The following GRIA1 variants were observed in gnomAD, a reference collection of about 807,000 sequenced individuals.
GRIA1 encodes glutamate receptor 1.
GRIA1 carries 31 observed loss-of-function variants against 99.2 expected under a neutral mutation model. That is an observed-to-expected ratio of 0.31 (90% CI 0.23 to 0.42). The LOEUF (loss-of-function observed/expected upper bound fraction) is 0.42. Ranked by LOEUF, GRIA1 falls within the 10% of genes least tolerant of loss-of-function variation. GRIA1 has a pLI of 1.00. For missense variants in GRIA1, 782 were observed against 1,157.5 expected (o/e 0.68, Z 4.71); for synonymous variants, 438 against 432.4 (o/e 1.01, Z -0.16).
Position 153,752,322 on chromosome 5 carries a change from A to G in GRIA1, c.1824-12112A>G, listed in dbSNP as rs144636233. Among the ~76,000 whole-genome samples, 1,019 of 152,190 alleles carry G rather than the reference A, an allele frequency of 6.7e-3. 16 individuals carry two copies. The highest frequency in any genetic ancestry group is 0.023 in the African/African-American group (971 of 41,522). Reference sequence around the variant, plus strand: ...CCACTCCTACTTCAAAATCTAGCACAATATCTCCTCTTCTGGTAAATTTTC... The same window carrying G: ...CCACTCCTACTTCAAAATCTAGCACGATATCTCCTCTTCTGGTAAATTTTC... On this transcript the variant is annotated intron_variant, in intron 11 of 15. Coordinates refer to ENST00000285900, the MANE Select transcript of GRIA1 (RefSeq NM_000827.4).
At chr5:153,615,922 G>A (rs979742380) in intron 2 of GRIA1, among the ~76,000 whole-genome samples, 2 of 152,162 alleles carry the variant, frequency 1.3e-5, no homozygotes, top group African/African-American at 4.8e-5. Flanking sequence ...GATGCCAAAT[G>A]TCTTCATCCC....
chr5:153,691,618 C>A (rs1241726215), intron 8 of GRIA1, among the ~76,000 whole-genome samples: 2 of 152,212 alleles, frequency 1.3e-5, no homozygotes, highest in African/African-American at 4.8e-5. Flanking sequence ...GCTTGCCATT[C>A]CATATGCTTT....
chr5:153,719,709 T>C (rs1759921751), intron 11 of GRIA1, among the ~76,000 whole-genome samples: 1 of 152,112 alleles, frequency 6.6e-6, no homozygotes, highest in African/African-American at 2.4e-5. Context: ...AGAAGGAACA[T>C]AGATTCCACC....
chr5:153,588,928 A>G (rs889648597), intron 2 of GRIA1, among the ~76,000 whole-genome samples: 1 of 152,218 alleles, frequency 6.6e-6, no homozygotes, highest in Non-Finnish European at 1.5e-5. Flanking sequence ...AACACCTAAT[A>G]CAATGCATGA....
chr5:153,600,659 C>CT (rs1296938370), intron 2 of GRIA1, among the ~76,000 whole-genome samples: 1 of 152,114 alleles, frequency 6.6e-6, no homozygotes, highest in East Asian at 1.9e-4. Flanking sequence ...AAGTGCCTGT[C>CT]TGTTTCTTGC....
chr5:153,723,634 C>T (rs2149544395), intron 11 of GRIA1, among the ~76,000 whole-genome samples: 1 of 152,286 alleles, frequency 6.6e-6, no homozygotes, highest in East Asian at 1.9e-4. Flanking sequence ...CGGAGTCTCG[C>T]TGATTGCTAG....
At chr5:153,507,275 C>A (rs1755615822) in intron 2 of GRIA1, among the ~76,000 whole-genome samples, 1 of 152,084 alleles carries the variant, frequency 6.6e-6, no homozygotes, top group Non-Finnish European at 1.5e-5. Flanking sequence ...TCTTCACACC[C>A]CTTCCAAGAA....
In GRIA1 at chr5:153,674,629, G is replaced by T; in HGVS notation, c.829G>T (p.Asp277Tyr). 6.2e-7 allele frequency: 1 copy of T among 1,614,088 alleles called. No individual in the cohort carries two copies. Residue 277 changes from aspartate to tyrosine, a missense_variant, in exon 6 of 16, where the codon GAC becomes TAC. Around this residue, in one of 5 missense-constraint regions of GRIA1, gnomAD observed 461 missense variants for 521.7 expected, o/e 0.88. Coordinates refer to ENST00000285900, the MANE Select transcript of GRIA1 (RefSeq NM_000827.4). ...MQQWKNSDAR[D>Y]HTRVDWKRPK... Reference sequence around the variant, plus strand: ...GCAGTGGAAGAATAGTGATGCTCGAGACCACACACGGGTGGACTGGAAGAG... The same window carrying T: ...GCAGTGGAAGAATAGTGATGCTCGATACCACACACGGGTGGACTGGAAGAG...
intron 2 of GRIA1, among the ~76,000 whole-genome samples, chr5:153,603,974 A>G (rs1307710823): frequency 2.6e-5 from 4 of 152,220 alleles, no homozygotes; most frequent in Admixed American, 6.5e-5. Context: ...TGTATTTTAC[A>G]TACCTATATA....
intron 10 of GRIA1, 97 bp from the exon 11 acceptor site, chr5:153,705,600 A>G (rs1758829600): frequency 7.1e-7 from 1 of 1,405,428 alleles, no homozygotes; most frequent in Admixed American, 3.0e-5. Context: ...TTTAAGACAC[A>G]AAAGAATAGT....
intron 2 of GRIA1, among the ~76,000 whole-genome samples, chr5:153,644,453 C>T (rs1753992411): frequency 6.6e-6 from 1 of 152,102 alleles, no homozygotes; most frequent in Admixed American, 6.5e-5. Context: ...GCCCCTGCTG[C>T]AGGTCATATG....
Position 153,741,927 on chromosome 5 carries a change from C to CT in GRIA1, c.1824-22500dup, listed in dbSNP as rs147525738. On this transcript the variant is annotated intron_variant, in intron 11 of 15. Coordinates refer to ENST00000285900, the MANE Select transcript of GRIA1 (RefSeq NM_000827.4). ...GCATTCTTAACGTATAAAACTAAAGCTTTTTTTAAAAAAAAAAAAAAAAGA... is the reference window on the plus strand; with the variant it reads ...GCATTCTTAACGTATAAAACTAAAGCTTTTTTTTAAAAAAAAAAAAAAAAGA... Among the ~76,000 whole-genome samples, 174 of 89,986 alleles carry CT rather than the reference C, an allele frequency of 1.9e-3. 1 individual carries two copies. Among genetic ancestry groups the CT allele is most frequent in the African/African-American group, 3.7e-3 (80 of 21,578 alleles). The allele number at this position is 89,986 out of a possible 152,430, so 59.0% of individuals were successfully genotyped here.
intron 2 of GRIA1, among the ~76,000 whole-genome samples, chr5:153,557,532 C>T (rs1760756951): frequency 6.6e-6 from 1 of 152,184 alleles, no homozygotes; most frequent in East Asian, 1.9e-4. Flanking sequence ...CAGCTTAAAA[C>T]ACAAACACAT....
chr5:153,648,845 C>T (rs952398342), intron 3 of GRIA1, among the ~76,000 whole-genome samples: 1 of 151,864 alleles, frequency 6.6e-6, no homozygotes, highest in African/African-American at 2.4e-5. Context: ...GACACCCCCC[C>T]CCAAGATGTT....
At chr5:153,690,018 T>A (rs1322084148) in intron 8 of GRIA1, among the ~76,000 whole-genome samples, 1 of 152,120 alleles carries the variant, frequency 6.6e-6, no homozygotes, top group Non-Finnish European at 1.5e-5. Flanking sequence ...TGTAGCAAGA[T>A]TAATGGTTCT....
chr5:153,680,485 T>C (rs1756900521), intron 7 of GRIA1, among the ~76,000 whole-genome samples: 1 of 152,090 alleles, frequency 6.6e-6, no homozygotes, highest in Non-Finnish European at 1.5e-5. Context: ...AATCTGTAGA[T>C]TCTTTTGCTT....
intron 2 of GRIA1, among the ~76,000 whole-genome samples, chr5:153,578,859 G>A (rs11738507): frequency 0.4 from 61,502 of 152,024 alleles, 15,565 homozygotes; most frequent in Non-Finnish European, 0.58. Flanking sequence ...AGTGAGCCGA[G>A]ATAGCACCAT....
At chr5:153,595,909 A>G (rs1040579841) in intron 2 of GRIA1, among the ~76,000 whole-genome samples, 12 of 152,056 alleles carry the variant, frequency 7.9e-5, no homozygotes, top group Admixed American at 7.2e-4. Context: ...TAGTGCTTTT[A>G]AATATATATT....
At chr5:153,583,697 T>C (rs907448766) in intron 2 of GRIA1, among the ~76,000 whole-genome samples, 3 of 152,172 alleles carry the variant, frequency 2.0e-5, no homozygotes, top group Non-Finnish European at 4.4e-5. Context: ...TTTCAGGAGA[T>C]ACCCAAAACA....
Sources: allele counts gnomAD v4.1 joint callset (sites outside exome capture counted in the v4.1 genomes callset), GRCh38; gene constraint gnomAD v4.1.1; regional missense constraint gnomAD v4.1.1; transcripts MANE v1.5; gene names NCBI Gene and HGNC (gene_info 2026-07-23, HGNC 2026-07-21).